Variants in FARP1 observed in about 807,000 individuals in gnomAD.
FARP1 encodes FERM, ARH/RhoGEF and pleckstrin domain protein 1, also known as FERM, ARHGEF and pleckstrin domain-containing protein 1.
A neutral mutation model predicts 128.8 loss-of-function variants in FARP1; 52 were observed. The ratio of observed to expected loss-of-function variants is 0.40; its 90% confidence interval spans 0.32 to 0.51. The LOEUF (loss-of-function observed/expected upper bound fraction) is 0.51, where lower values mean the gene tolerates loss of function less well. FARP1 is among the 20% of genes least tolerant of loss of function. The pLI, the probability that FARP1 is intolerant of heterozygous loss-of-function variation, is 0.45. For missense variants in FARP1, 1,333 were observed against 1,367.9 expected (o/e 0.97, Z 0.40); for synonymous variants, 580 against 551.8 (o/e 1.05, Z -0.72).
rs1236187696 is a variant in FARP1 at position 98,168,508 on chromosome 13, GT to G, written c.-24+25019del. Among the ~76,000 whole-genome samples, 4 of 152,212 alleles carry G rather than the reference GT, an allele frequency of 2.6e-5. No individual in the cohort carries two copies. In the South Asian group the frequency reaches 6.2e-4, roughly 24 times the overall value. ...TCCAGAAGTCTTCAGACTGGGCCAG[GT>G]TTCTCACTGGCCTGGTCAGCGTCCT... On this transcript the variant is annotated intron_variant, in intron 1 of 26. Coordinates refer to ENST00000319562, the MANE Select transcript of FARP1 (RefSeq NM_005766.4).
At chr13:98,432,923 C>CGGT in intron 18 of FARP1, 2 of 146,720 alleles carry the variant, frequency 1.4e-5, no homozygotes, top group South Asian at 4.2e-4. Context: ...GAGAAGTGGA[C>CGGT]GGTGCAGTTG....
chr13:98,447,504 C>G (rs1030646407), intron 26 of FARP1: 1 of 152,374 alleles, frequency 6.6e-6, no homozygotes, highest in African/African-American at 2.4e-5. Flanking sequence ...AGGCCTGGGA[C>G]AAGGCCAGGT....
chr13:98,404,697 T>C (rs551322567), intron 13 of FARP1: 3 of 152,240 alleles, frequency 2.0e-5, no homozygotes, highest in Non-Finnish European at 4.4e-5. Flanking sequence ...AGACAAATTA[T>C]GGTAGATAAG....
chr13:98,198,633 T>C (rs897050295), intron 1 of FARP1, among the ~76,000 whole-genome samples: 1 of 151,930 alleles, frequency 6.6e-6, no homozygotes, highest in Admixed American at 6.6e-5. Context: ...TCCCAGCATT[T>C]TGGAAGGCTG....
chr13:98,398,145 C>A (rs1350552597), intron 13 of FARP1: 4 of 152,174 alleles, frequency 2.6e-5, no homozygotes, highest in African/African-American at 9.7e-5. Context: ...CAAATGATAT[C>A]TGTCCACATG....
chr13:98,308,558 G>A (rs1886297806), intron 2 of FARP1, among the ~76,000 whole-genome samples: 3 of 152,218 alleles, frequency 2.0e-5, no homozygotes, highest in African/African-American at 7.2e-5. Context: ...CCAGACTAGA[G>A]TGTGCTGGAT....
At chr13:98,276,114 G>T (rs1353536769) in intron 2 of FARP1, among the ~76,000 whole-genome samples, 2 of 152,170 alleles carry the variant, frequency 1.3e-5, no homozygotes, top group Non-Finnish European at 2.9e-5. Flanking sequence ...AGGATGGCTG[G>T]CCTGGCTATC....
intron 2 of FARP1, among the ~76,000 whole-genome samples, chr13:98,295,096 CACACACACATAT>C (rs1195516810): frequency 0.11 from 3,317 of 30,836 alleles, 160 homozygotes; most frequent in Middle Eastern, 0.25. Flanking sequence ...CACACACACA[CACACACACATAT>C]ATCCCCAGGC....
At chr13:98,215,088 C>T (rs533558964) in intron 2 of FARP1, among the ~76,000 whole-genome samples, 21 of 152,318 alleles carry the variant, frequency 1.4e-4, no homozygotes, top group African/African-American at 4.6e-4. Flanking sequence ...TTGGACTGTG[C>T]TCACCTGCAG....
In FARP1 at chr13:98,207,174, G is replaced by A. The variant is rs149463721; in HGVS notation, c.-23-6046G>A. On this transcript the variant is annotated intron_variant, in intron 1 of 26. Coordinates refer to ENST00000319562, the MANE Select transcript of FARP1 (RefSeq NM_005766.4). ...AATTAAACAGACTTTTCCATGTACAGCAACAGTCTGCATGCAAGTATGATA... is the reference window on the plus strand; with the variant it reads ...AATTAAACAGACTTTTCCATGTACAACAACAGTCTGCATGCAAGTATGATA... 5.3e-5 allele frequency among the ~76,000 whole-genome samples: 8 copies of A among 152,222 alleles called. No individual in the cohort carries two copies. In the East Asian group the frequency reaches 5.8e-4, roughly 11 times the overall value.
At chr13:98,382,347 G>A (rs1012808625) in intron 6 of FARP1, 3 of 152,166 alleles carry the variant, frequency 2.0e-5, no homozygotes, top group Non-Finnish European at 4.4e-5. Context: ...GAGTTTCATA[G>A]TCATGTCACT....
intron 16 of FARP1, among the ~76,000 whole-genome samples, chr13:98,419,525 C>T (rs1444243125): frequency 6.6e-6 from 1 of 151,386 alleles, no homozygotes; most frequent in Non-Finnish European, 1.5e-5. Context: ...CACTCTGTTA[C>T]TCTGGCTAAT....
At chr13:98,417,249 G>A (rs2274057) in intron 16 of FARP1, among the ~76,000 whole-genome samples, 20,399 of 151,906 alleles carry the variant, frequency 0.13, 2,112 homozygotes, top group East Asian at 0.31. Context: ...GTGGGTCCCA[G>A]GCTTTGGAAA....
At chr13:98,227,829 A>G (rs1192624409) in intron 2 of FARP1, among the ~76,000 whole-genome samples, 1 of 152,240 alleles carries the variant, frequency 6.6e-6, no homozygotes, top group Non-Finnish European at 1.5e-5. Flanking sequence ...CACAACATAG[A>G]TGAACCTTGA....
At chr13:98,294,861 A>G (rs1885591323) in intron 2 of FARP1, among the ~76,000 whole-genome samples, 1 of 151,962 alleles carries the variant, frequency 6.6e-6, no homozygotes, top group Admixed American at 6.6e-5. Context: ...TACTAAAAAT[A>G]CAAAAATTAG....
intron 1 of FARP1, among the ~76,000 whole-genome samples, chr13:98,181,636 ATTTATTT>A (rs71729623): frequency 0.4 from 46,815 of 117,798 alleles, 8,486 homozygotes; most frequent in Admixed American, 0.44. Flanking sequence ...TTATTTATTT[ATTTATTT>A]GAGAGAGAGA....
intron 2 of FARP1, among the ~76,000 whole-genome samples, chr13:98,322,429 A>G (rs1237942941): frequency 6.6e-6 from 1 of 152,238 alleles, no homozygotes; most frequent in African/African-American, 2.4e-5. Context: ...TTCCAGGGTG[A>G]ACACCAGCCT....
At position 98,292,697 on chromosome 13, in the gene FARP1, A is replaced by G. The variant is rs144695377; in HGVS notation, c.172-51065A>G. Among the ~76,000 whole-genome samples the G allele has an allele frequency of 3.3e-5, 5 of 152,344 alleles. No homozygotes were observed. The East Asian group carries it at 7.7e-4, about 24-fold the overall frequency. ...GGAGAACATAGTATAGGAACCATCT[A>G]TGATAAATTATCATACATGTCACTC... On this transcript the variant is annotated intron_variant, in intron 2 of 26. Coordinates refer to ENST00000319562, the MANE Select transcript of FARP1 (RefSeq NM_005766.4).
intron 18 of FARP1, chr13:98,431,599 T>C (rs2139055006): frequency 5.2e-6 from 1 of 193,986 alleles, no homozygotes; most frequent in Non-Finnish European, 1.1e-5. Context: ...GCAGCTAGGA[T>C]TACAGGCGCC....
Sources: gnomAD v4.1 joint callset for allele counts (sites outside exome capture counted in the v4.1 genomes callset) on GRCh38, gnomAD v4.1.1 for gene constraint, MANE v1.5 for transcripts, NCBI Gene and HGNC (gene_info 2026-07-23, HGNC 2026-07-21) for gene names.